PSEN1: variants seen among roughly 807,000 people sequenced by gnomAD.
The protein encoded by PSEN1 is presenilin 1, also known as presenilin-1.
In PSEN1, 15 loss-of-function variants were observed where a neutral mutation model predicts 53.5. The observed-to-expected ratio is 0.28, with a 90% CI of 0.19 to 0.43. The LOEUF (loss-of-function observed/expected upper bound fraction) is 0.43, where lower values mean the gene tolerates loss of function less well. Among genes scored for constraint, PSEN1 ranks in the 20% least tolerant of loss-of-function variants. PSEN1 has a pLI of 1.00. For synonymous variants in PSEN1, 208 were observed against 209.8 expected, an observed-to-expected ratio of 0.99 and a Z score of 0.08; for missense variants, 387 against 571.2, an observed-to-expected ratio of 0.68 and a Z score of 3.29.
At chr14:73,192,957 G>A (rs1487624634) in intron 7 of PSEN1, 93 bp downstream of exon 7, 4 of 978,670 alleles carry the variant, frequency 4.1e-6, no homozygotes, top group East Asian at 2.4e-5. Flanking sequence ...AGAGAAAATG[G>A]TAACGTGTAC....
At chr14:73,175,492 A>AG (rs1898023752) in intron 5 of PSEN1, among the ~76,000 whole-genome samples, 1 of 152,144 alleles carries the variant, frequency 6.6e-6, no homozygotes, top group Admixed American at 6.5e-5. Flanking sequence ...AAAAAAAAAA[A>AG]TTAACTTTCC....
intron 3 of PSEN1, among the ~76,000 whole-genome samples, chr14:73,156,495 A>G (rs1172397474): frequency 1.3e-5 from 2 of 152,148 alleles, no homozygotes; most frequent in African/African-American, 4.8e-5. Flanking sequence ...AGGAAATGAT[A>G]TATCTAAGAT....
chr14:73,170,869 C>T lies in PSEN1; in HGVS notation c.160C>T (p.Arg54Ter). 3 of 1,614,160 alleles carry T rather than the reference C, an allele frequency of 1.9e-6. No homozygotes were observed. Among genetic ancestry groups the T allele is most frequent in the Non-Finnish European group, 2.5e-6 (3 of 1,180,012 alleles). ...CCACCCTGAGCCATTATCTAATGGA[C>T]GACCCCAGGGTAACTCCCGGCAGGT... Reference protein sequence around the residue: ...LGHPEPLSNGRPQGNSRQVVE... With the variant: ...LGHPEPLSNG The change falls in exon 4 of 12, where the codon CGA becomes TGA. Residue 54 changes from arginine (R) to a stop codon, truncating the protein, a stop_gained. Transcript: ENST00000324501. LOFTEE classifies it high-confidence loss of function.
intron 3 of PSEN1, among the ~76,000 whole-genome samples, chr14:73,157,646 C>T (rs1382017016): frequency 6.6e-6 from 1 of 152,062 alleles, no homozygotes; most frequent in Non-Finnish European, 1.5e-5. Flanking sequence ...TCCTCCCCAT[C>T]CCCAGGCAAC....
chr14:73,199,476 G>T (rs1566646312), intron 8 of PSEN1, among the ~76,000 whole-genome samples: 1 of 152,196 alleles, frequency 6.6e-6, no homozygotes, highest in Non-Finnish European at 1.5e-5. Flanking sequence ...TGGCTGCATA[G>T]TGTTCTCTTA....
Position 73,206,491 on chromosome 14 carries a change from A to G in PSEN1, c.955+19A>G. The G allele has an allele frequency of 1.9e-6, 3 of 1,542,568 alleles. No individual in the cohort carries two copies. The highest frequency in any genetic ancestry group is 1.8e-6 in the Non-Finnish European group (2 of 1,115,424). ...GCAGAAAGTAGGTAACTTTTATTAGATAATATCTTGATTTTTCAGGGTCAC... is the reference window on the plus strand; with the variant it reads ...GCAGAAAGTAGGTAACTTTTATTAGGTAATATCTTGATTTTTCAGGGTCAC... On this transcript the variant is annotated intron_variant, in intron 9 of 11. Transcript: ENST00000324501.
rs1000779227 is a variant in PSEN1 at position 73,221,907 on chromosome 14, AG to A, written c.*2619del. On this transcript the variant is annotated 3_prime_UTR_variant, in exon 12 of 12. Coordinates refer to ENST00000324501, the MANE Select transcript of PSEN1 (RefSeq NM_000021.4). ...GGTTATAGAGTCGGGCAAAACCAGCAGTAGAGTATGACCAGCCAAGCCAATC... is the reference window on the plus strand; with the variant it reads ...GGTTATAGAGTCGGGCAAAACCAGCATAGAGTATGACCAGCCAAGCCAATC... 6.6e-5 allele frequency: 10 copies of A among 152,236 alleles called. No homozygotes were observed. The highest frequency in any genetic ancestry group is 1.0e-4 in the Non-Finnish European group (7 of 68,038). The allele number at this position is 152,236 out of a possible 1,614,324, so 9.4% of individuals were successfully genotyped here.
At chr14:73,148,970 GAAAGA>G (rs1467297489) in intron 3 of PSEN1, among the ~76,000 whole-genome samples, 1 of 152,014 alleles carries the variant, frequency 6.6e-6, no homozygotes, top group Non-Finnish European at 1.5e-5. Context: ...TAGAGAAAAA[GAAAGA>G]AAAGAAAAGA....
intron 3 of PSEN1, among the ~76,000 whole-genome samples, chr14:73,160,403 A>G (rs1897495081): frequency 1.3e-5 from 2 of 152,182 alleles, no homozygotes; most frequent in South Asian, 4.1e-4. Context: ...TCGTTTTTAT[A>G]TATACTCATT....
In PSEN1 at chr14:73,176,910, T is replaced by A. The variant is rs978153637; in HGVS notation, c.480+3203T>A. ...ATTCCTCTCAAATTCAGTCCTCAGC[T>A]CCCTGAAGTGTGGGTTCTCTTTTCA... On this transcript the variant is annotated intron_variant, in intron 5 of 11. Coordinates refer to ENST00000324501, the MANE Select transcript of PSEN1 (RefSeq NM_000021.4). Among the ~76,000 whole-genome samples the A allele has an allele frequency of 2.0e-5, 3 of 152,316 alleles. No homozygotes were observed. The South Asian group carries it at 6.2e-4, about 32-fold the overall frequency.
intron 3 of PSEN1, among the ~76,000 whole-genome samples, chr14:73,162,493 AGC>A (rs1193445063): frequency 6.9e-6 from 1 of 145,546 alleles, no homozygotes; most frequent in Non-Finnish European, 1.5e-5. Flanking sequence ...AGAGAGAGAG[AGC>A]ACGCGAACAA....
At chr14:73,151,894 A>ATTTT (rs56754992) in intron 3 of PSEN1, among the ~76,000 whole-genome samples, 20 of 38,984 alleles carry the variant, frequency 5.1e-4, no homozygotes, top group Non-Finnish European at 6.5e-4. Context: ...ATATATATAT[A>ATTTT]TTTTTTTTTT....
chr14:73,144,684 T>G (rs1170166762), intron 1 of PSEN1, among the ~76,000 whole-genome samples: 1 of 152,212 alleles, frequency 6.6e-6, no homozygotes, highest in African/African-American at 2.4e-5. Flanking sequence ...TAAATTAGTT[T>G]GTTAAGCCTT....
chr14:73,202,956 G>A (rs1899291637), intron 8 of PSEN1, among the ~76,000 whole-genome samples: 1 of 152,062 alleles, frequency 6.6e-6, no homozygotes, highest in African/African-American at 2.4e-5. Flanking sequence ...TGGGAAAATA[G>A]GAGTATAAAC....
Position 73,170,832 on chromosome 14 carries a change from A to G in PSEN1, c.123A>G (p.Arg41=), listed in dbSNP as rs997923176. The change falls in exon 4 of 12, where the codon AGA becomes AGG. Residue 41 remains arginine, a synonymous_variant. Coordinates refer to ENST00000324501, the MANE Select transcript of PSEN1 (RefSeq NM_000021.4). ...DNRERQEHND[R]RSLGHPEPLS... Reference sequence around the variant, plus strand: ...GAGAACGGCAGGAGCACAACGACAGACGGAGCCTTGGCCACCCTGAGCCAT... The same window carrying G: ...GAGAACGGCAGGAGCACAACGACAGGCGGAGCCTTGGCCACCCTGAGCCAT... The G allele has an allele frequency of 1.9e-6, 3 of 1,614,088 alleles. No individual in the cohort carries two copies. In the African/African-American group the frequency reaches 4.0e-5, roughly 22 times the overall value.
chr14:73,187,699 C>T (rs1418640019), intron 6 of PSEN1, among the ~76,000 whole-genome samples: 1 of 151,972 alleles, frequency 6.6e-6, no homozygotes, highest in East Asian at 1.9e-4. Context: ...AGTACCAGGC[C>T]CCAGTGGATT....
chr14:73,213,207 T>A (rs1566654473), intron 10 of PSEN1, among the ~76,000 whole-genome samples: 1 of 152,216 alleles, frequency 6.6e-6, no homozygotes, highest in Non-Finnish European at 1.5e-5. Context: ...TTGCTGGGAC[T>A]TTGTTCTGCC....
At chr14:73,146,733 T>C (rs1230305885) in intron 1 of PSEN1, among the ~76,000 whole-genome samples, 1 of 152,092 alleles carries the variant, frequency 6.6e-6, no homozygotes, top group Non-Finnish European at 1.5e-5. Context: ...GAGGAAAGAG[T>C]ATCCTGATGT....
intron 3 of PSEN1, 107 bp from the exon 4 acceptor site, chr14:73,170,686 TCAGG>T: frequency 2.6e-6 from 3 of 1,173,978 alleles, no homozygotes; most frequent in Admixed American, 4.0e-5. Context: ...TTTTCTTGCT[TCAGG>T]TTTTTAGAAC....
Sources: allele counts gnomAD v4.1 joint callset (sites outside exome capture counted in the v4.1 genomes callset), GRCh38; gene constraint gnomAD v4.1.1; transcripts MANE v1.5; gene names NCBI Gene and HGNC (gene_info 2026-07-23, HGNC 2026-07-21).